ATP6V1C1: variants seen among roughly 807,000 people sequenced by gnomAD.
The protein encoded by ATP6V1C1 is ATPase H+ transporting V1 subunit C1.
Under a neutral mutation model 53.9 loss-of-function variants are expected in ATP6V1C1, and 45 were observed. That is an observed-to-expected ratio of 0.83 (90% CI 0.66 to 1.07). ATP6V1C1 has a LOEUF of 1.07. Among genes scored for constraint, ATP6V1C1 ranks in the 50% least tolerant of loss-of-function variants. The probability of loss-of-function intolerance (pLI) is 0.00; values close to 1 mark genes in which losing one functional copy is unlikely to be tolerated. For synonymous variants in ATP6V1C1, 153 were observed against 155.2 expected, an observed-to-expected ratio of 0.99 and a Z score of 0.11; for missense variants, 315 against 440.3, an observed-to-expected ratio of 0.72 and a Z score of 2.55.
chr8:103,066,507 TGAAA>T (rs1817493665), intron 12 of ATP6V1C1, 60 bp downstream of exon 12: 1 of 1,468,404 alleles, frequency 6.8e-7, no homozygotes, highest in African/African-American at 1.4e-5. Flanking sequence ...AAAAAATGAT[TGAAA>T]GAAGATAGAC....
Position 103,063,142 on chromosome 8 carries a change from G to T in ATP6V1C1, c.742G>T (p.Val248Phe), listed in dbSNP as rs762273775. The change falls in exon 10 of 13, where the codon GTT becomes TTT. Residue 248 changes from valine to phenylalanine, a missense_variant. Transcript: ENST00000518738. ...TTTTTCCCCCAAATTTAGATTCATT[G>T]TTCGTGACTTCCAGTATAATGAAGA... ...RHKARENKFI[V>F]RDFQYNEEEM... 11 of 1,612,928 alleles carry T rather than the reference G, an allele frequency of 6.8e-6. No individual in the cohort carries two copies. In the Admixed American group the frequency reaches 1.8e-4, roughly 27 times the overall value.
chr8:103,044,828 C>T (rs1376312036), intron 3 of ATP6V1C1, among the ~76,000 whole-genome samples: 1 of 152,032 alleles, frequency 6.6e-6, no homozygotes, highest in African/African-American at 2.4e-5. Context: ...GTAGTATCAT[C>T]CTAATATTCT....
chr8:103,052,970 A>G (rs1286033708), intron 6 of ATP6V1C1, 148 bp downstream of exon 6: 3 of 469,586 alleles, frequency 6.4e-6, no homozygotes, highest in Admixed American at 8.5e-5. Context: ...AGAAAAGCTC[A>G]CTAAGGTAAG....
chr8:103,045,806 T>C (rs1438581806), intron 3 of ATP6V1C1, among the ~76,000 whole-genome samples: 1 of 152,070 alleles, frequency 6.6e-6, no homozygotes, highest in Admixed American at 6.5e-5. Flanking sequence ...CCAGGTGTGG[T>C]GGCGGGCGCC....
Position 103,054,257 on chromosome 8 carries a change from G to T in ATP6V1C1, c.572+275G>T, listed in dbSNP as rs116242359. ...CAAACATAAGTAATGCTAAATTATTGATTGTTTAAAAAATACAGATTTTAG... is the reference window on the plus strand; with the variant it reads ...CAAACATAAGTAATGCTAAATTATTTATTGTTTAAAAAATACAGATTTTAG... On this transcript the variant is annotated intron_variant, in intron 7 of 12. Transcript: ENST00000518738. Among the ~76,000 whole-genome samples, 415 of 152,090 alleles carry T rather than the reference G, an allele frequency of 2.7e-3. 1 individual carries two copies. The highest frequency in any genetic ancestry group is 9.6e-3 in the African/African-American group (398 of 41,538).
chr8:103,066,369 G>C lies in ATP6V1C1; in HGVS notation c.975G>C (p.Lys325Asn), dbSNP rs1482117469. 2.5e-5 allele frequency: 41 copies of C among 1,613,280 alleles called. No individual in the cohort carries two copies. The highest frequency in any genetic ancestry group is 3.3e-5 in the Non-Finnish European group (39 of 1,179,876). ...AAGCAATGCTACTTCAGCCCAATAA[G>C]AAAACTTTGAAGAAACTGAGAGAAG... ...NFQAMLLQPN[K>N]KTLKKLREVL... is the part of the protein sequence containing the mutation. The change falls in exon 12 of 13, where the codon AAG becomes AAC. Residue 325 changes from lysine to asparagine, a missense_variant. Transcript: ENST00000518738.
In ATP6V1C1 at chr8:103,055,943, A is replaced by G; in HGVS notation, c.641+7A>G. On this transcript the variant is annotated splice_region_variant and intron_variant, in intron 8 of 12. Transcript: ENST00000518738. The stretch of plus-strand genomic sequence containing the variant: ...TAGTTCCAAGGTCTAGCAAGTAAGT[A>G]GAAGTCTTTGTAAAACCATTTGTTT... 2 of 1,610,164 alleles carry G rather than the reference A, an allele frequency of 1.2e-6. No individual in the cohort carries two copies. The highest frequency in any genetic ancestry group is 1.7e-6 in the Non-Finnish European group (2 of 1,176,994).
At chr8:103,039,922 T>C (rs1355353671) in intron 1 of ATP6V1C1, among the ~76,000 whole-genome samples, 1 of 152,054 alleles carries the variant, frequency 6.6e-6, no homozygotes, top group Non-Finnish European at 1.5e-5. Context: ...TTCAGATTTG[T>C]AAATGTTCGA....
At chr8:103,027,404 C>A (rs1816717449) in intron 1 of ATP6V1C1, among the ~76,000 whole-genome samples, 1 of 152,198 alleles carries the variant, frequency 6.6e-6, no homozygotes, top group Admixed American at 6.5e-5. Flanking sequence ...GTACTGTTTT[C>A]TGTGGTTGCC....
chr8:103,029,947 T>C (rs1816767284), intron 1 of ATP6V1C1, among the ~76,000 whole-genome samples: 1 of 152,184 alleles, frequency 6.6e-6, no homozygotes, highest in Non-Finnish European at 1.5e-5. Flanking sequence ...TGGCCGTGGC[T>C]GGTCTTGAAC....
At chr8:103,048,658 A>G (rs1481574737) in intron 3 of ATP6V1C1, among the ~76,000 whole-genome samples, 2 of 152,138 alleles carry the variant, frequency 1.3e-5, no homozygotes, top group Non-Finnish European at 2.9e-5. Flanking sequence ...TTAAAACCCT[A>G]CAGTTACTCT....
intron 1 of ATP6V1C1, among the ~76,000 whole-genome samples, chr8:103,030,389 C>G (rs1042895894): frequency 6.6e-6 from 1 of 152,050 alleles, no homozygotes; most frequent in African/African-American, 2.4e-5. Flanking sequence ...TTAGAAAAAC[C>G]GAACACTCGT....
chr8:103,030,771 G>T (rs559742009), intron 1 of ATP6V1C1, among the ~76,000 whole-genome samples: 27 of 152,274 alleles, frequency 1.8e-4, no homozygotes, highest in African/African-American at 6.3e-4. Flanking sequence ...AACTTATGGG[G>T]GGGGTCTCTG....
intron 1 of ATP6V1C1, among the ~76,000 whole-genome samples, 161 bp from the exon 2 acceptor site, chr8:103,040,637 A>G (rs1816982464): frequency 6.6e-6 from 1 of 152,110 alleles, no homozygotes; most frequent in Non-Finnish European, 1.5e-5. Context: ...ATTTGTGTAG[A>G]TTTATTTCGA....
At position 103,072,353 on chromosome 8, in the gene ATP6V1C1, A is replaced by G. The variant is rs1006944858; in HGVS notation, c.*3606A>G. ...TCCTTCATTCTCAGCTGTCGAAGAA[A>G]TCAAAGTAGCATATGCACAAGGTTA... On this transcript the variant is annotated 3_prime_UTR_variant, in exon 13 of 13. Coordinates refer to ENST00000518738, the MANE Select transcript of ATP6V1C1 (RefSeq NM_001695.5). 3 of 152,246 alleles carry G rather than the reference A, an allele frequency of 2.0e-5. No homozygotes were observed. Among genetic ancestry groups the G allele is most frequent in the African/African-American group, 7.2e-5 (3 of 41,464 alleles). 9.4% of individuals were successfully genotyped at this position (152,246 alleles called of 1,614,324 possible). A position where few individuals can be genotyped will look rare whatever the true frequency, so the allele number is the denominator to read the frequency against.
chr8:103,062,905 A>G, intron 8 of ATP6V1C1, 50 bp from the exon 9 acceptor site: 1 of 1,546,858 alleles, frequency 6.5e-7, no homozygotes, highest in Non-Finnish European at 8.9e-7. Context: ...CTTAATATGA[A>G]AGACAGCAAT....
At chr8:103,031,624 T>G (rs913622472) in intron 1 of ATP6V1C1, among the ~76,000 whole-genome samples, 1 of 152,106 alleles carries the variant, frequency 6.6e-6, no homozygotes, top group Non-Finnish European at 1.5e-5. Flanking sequence ...TTATGAGGGA[T>G]CTGCCCCATG....
At position 103,066,158 on chromosome 8, in the gene ATP6V1C1, A is replaced by G. The variant is rs1373168605; in HGVS notation, c.927-163A>G. ...GTTTATATTGAAGTTTTTTGTGTAT[A>G]TTAGTTTCAGTTTCTATATATATTA... On this transcript the variant is annotated intron_variant, in intron 11 of 12. Transcript: ENST00000518738. Among the ~76,000 whole-genome samples the G allele has an allele frequency of 4.0e-5, 6 of 151,594 alleles. No homozygotes were observed. The East Asian group carries it at 9.6e-4, about 24-fold the overall frequency.
At chr8:103,062,883 C>T in intron 8 of ATP6V1C1, 72 bp from the exon 9 acceptor site, 3 of 1,344,002 alleles carry the variant, frequency 2.2e-6, no homozygotes, top group Admixed American at 3.6e-5. Flanking sequence ...CCACCTGTTT[C>T]TGAATTTTGC....
Sources: gnomAD v4.1 joint callset for allele counts (sites outside exome capture counted in the v4.1 genomes callset) on GRCh38, gnomAD v4.1.1 for gene constraint, MANE v1.5 for transcripts, NCBI Gene and HGNC (gene_info 2026-07-23, HGNC 2026-07-21) for gene names.